The following HDGFL3 variants were observed in gnomAD, a reference collection of about 807,000 sequenced individuals.
HDGFL3 encodes the protein HDGF like 3.
Under a neutral mutation model 27.6 loss-of-function variants are expected in HDGFL3, and 6 were observed. The ratio of observed to expected loss-of-function variants is 0.22; its 90% CI spans 0.12 to 0.43. The LOEUF (loss-of-function observed/expected upper bound fraction) is 0.43, where lower values mean the gene tolerates loss of function less well. HDGFL3 is among the 20% of genes least tolerant of loss of function. HDGFL3 has a pLI of 1.00. For missense variants in HDGFL3, 207 were observed against 250.1 expected, an observed-to-expected ratio of 0.83 and a Z score of 1.16; for synonymous variants, 88 against 88.9, an observed-to-expected ratio of 0.99 and a Z score of 0.05.
chr15:83,139,274 G>A lies in HDGFL3; in HGVS notation c.608C>T (p.Thr203Ile). ...TSDLQKTSEG[T>I] ...ATGCAGCATTCATTATGGTAGTTAGGTCTGTAAAAAAAAAAAAAAGAAAGA... is the reference window on the plus strand; with the variant it reads ...ATGCAGCATTCATTATGGTAGTTAGATCTGTAAAAAAAAAAAAAAGAAAGA... Residue 203 changes from threonine to isoleucine, a missense_variant and splice_region_variant, in exon 6 of 6, where the codon ACC becomes ATC. Coordinates refer to ENST00000299633, the MANE Select transcript of HDGFL3 (RefSeq NM_016073.4). 1 of 1,425,384 alleles carries A rather than the reference G, an allele frequency of 7.0e-7. No individual in the cohort carries two copies. Among genetic ancestry groups the A allele is most frequent in the Non-Finnish European group, 9.4e-7 (1 of 1,066,614 alleles). 88.3% of individuals were successfully genotyped at this position (1,425,384 alleles called of 1,614,324 possible). A position where few individuals can be genotyped will look rare whatever the true frequency, so the allele number is the denominator to read the frequency against.
chr15:83,145,791 T>C (rs1205084416), intron 5 of HDGFL3, among the ~76,000 whole-genome samples: 2 of 151,560 alleles, frequency 1.3e-5, no homozygotes, highest in African/African-American at 2.4e-5. Flanking sequence ...AGTTCCTTGG[T>C]GTCCTCTCTG....
Position 83,136,245 on chromosome 15 carries a change from A to T in HDGFL3, c.*3025T>A, listed in dbSNP as rs2036599391. On this transcript the variant is annotated 3_prime_UTR_variant, in exon 6 of 6. Coordinates refer to ENST00000299633, the MANE Select transcript of HDGFL3 (RefSeq NM_016073.4). ...CTGGCATGATAAAACTACACTAAAT[A>T]ATATCTACTTTATTTGAACAGTCAT... 2.7e-6 allele frequency: 1 copy of T among 365,022 alleles called. No individual in the cohort carries two copies. Among genetic ancestry groups the T allele is most frequent in the African/African-American group, 2.1e-5 (1 of 47,906 alleles). The allele number at this position is 365,022 out of a possible 1,614,324, so 22.6% of individuals were successfully genotyped here. A position where few individuals can be genotyped will look rare whatever the true frequency, so the allele number is the denominator to read the frequency against.
In HDGFL3 at chr15:83,207,347, G is replaced by A; in HGVS notation, c.68C>T (p.Pro23Leu). The change falls in exon 1 of 6, where the codon CCG becomes CTG. Residue 23 changes from proline to leucine, a missense_variant. By Grantham distance (98) the Pro-to-Leu change is moderately conservative (BLOSUM62 -3). Transcript: ENST00000299633. The surrounding 1 kb of genome is among the most constrained non-coding windows in gnomAD (Gnocchi z 4.8). The part of the protein sequence containing the change: ...DLVFAKMKGY[P>L]HWPARIDELP... Reference sequence around the variant, plus strand: ...GGTACTCACCCGGGCCGGCCAGTGCGGGTAGCCCTTCATCTTGGCGAAGAC... The same window carrying A: ...GGTACTCACCCGGGCCGGCCAGTGCAGGTAGCCCTTCATCTTGGCGAAGAC... 1 of 1,401,664 alleles carries A rather than the reference G, an allele frequency of 7.1e-7. No homozygotes were observed. Among genetic ancestry groups the A allele is most frequent in the Non-Finnish European group, 9.3e-7 (1 of 1,072,896 alleles). 86.8% of individuals were successfully genotyped at this position (1,401,664 alleles called of 1,614,324 possible). A position where few individuals can be genotyped will look rare whatever the true frequency, so the allele number is the denominator to read the frequency against.
chr15:83,154,208 C>T (rs370134070), intron 4 of HDGFL3, among the ~76,000 whole-genome samples: 2 of 150,924 alleles, frequency 1.3e-5, no homozygotes, highest in African/African-American at 2.4e-5. Flanking sequence ...TGGTGATGTA[C>T]GCCCGTGGTC....
chr15:83,207,314 G>A lies in HDGFL3; in HGVS notation c.84+17C>T, dbSNP rs558816575. 1.2e-5 allele frequency: 16 copies of A among 1,342,042 alleles called. No homozygotes were observed. In the South Asian group the frequency reaches 1.2e-4, roughly 10 times the overall value. 83.1% of individuals were successfully genotyped at this position (1,342,042 alleles called of 1,614,324 possible). A position where few individuals can be genotyped will look rare whatever the true frequency, so the allele number is the denominator to read the frequency against. On this transcript the variant is annotated intron_variant, in intron 1 of 5. Coordinates refer to ENST00000299633, the MANE Select transcript of HDGFL3 (RefSeq NM_016073.4). The surrounding 1 kb of genome is among the most constrained non-coding windows in gnomAD (Gnocchi z 4.8). ...AAATGGTGGGCGGGCGGGCCCGCGC[G>A]CGGCCGCGGTACTCACCCGGGCCGG...
intron 5 of HDGFL3, among the ~76,000 whole-genome samples, chr15:83,150,943 T>C (rs949086801): frequency 2.0e-5 from 3 of 152,194 alleles, no homozygotes; most frequent in Admixed American, 6.5e-5. Flanking sequence ...GTATTTCACA[T>C]TGTACTTTAA....
intron 1 of HDGFL3, among the ~76,000 whole-genome samples, chr15:83,204,381 G>A (rs1478475086): frequency 1.3e-5 from 2 of 152,016 alleles, no homozygotes; most frequent in Non-Finnish European, 2.9e-5. Flanking sequence ...CTAGGTTAAT[G>A]GCATGCATGT....
intron 2 of HDGFL3, among the ~76,000 whole-genome samples, chr15:83,160,167 A>G (rs970781439): frequency 1.3e-5 from 2 of 151,946 alleles, no homozygotes; most frequent in Non-Finnish European, 1.5e-5. Flanking sequence ...GAGAAAGGGT[A>G]GAGGAGTTGA....
intron 5 of HDGFL3, among the ~76,000 whole-genome samples, chr15:83,142,549 A>G (rs1596543501): frequency 6.6e-6 from 1 of 152,192 alleles, no homozygotes; most frequent in East Asian, 1.9e-4. Context: ...GAGGAAGAGG[A>G]TCAGAAAAAG....
Position 83,121,790 on chromosome 15 carries a change from CT to C in HDGFL3, c.394-6050del, listed in dbSNP as rs1888834054. Reference sequence around the variant, plus strand: ...AGGGCTCCTTGTGTTTGATTTATTCCTCTCAATTCAATATGTTTTGATTGAT... The same window carrying C: ...AGGGCTCCTTGTGTTTGATTTATTCCCTCAATTCAATATGTTTTGATTGAT... On this transcript the variant is annotated intron_variant, in intron 3 of 3. Coordinates refer to the HDGFL3 transcript ENST00000568294. 6 of 677,658 alleles carry C rather than the reference CT, an allele frequency of 8.9e-6. No homozygotes were observed. The Admixed American group carries it at 1.9e-4, about 21-fold the overall frequency. 42.0% of individuals were successfully genotyped at this position (677,658 alleles called of 1,614,324 possible). A position where few individuals can be genotyped will look rare whatever the true frequency, so the allele number is the denominator to read the frequency against.
rs185422289 is a variant in HDGFL3, at chr15:83,134,638, A to G, written c.*4632T>C. The G allele has an allele frequency of 2.0e-5, 3 of 152,358 alleles. No individual in the cohort carries two copies. The East Asian group carries it at 5.8e-4, about 29-fold the overall frequency. The allele number at this position is 152,358 out of a possible 1,614,324, so 9.4% of individuals were successfully genotyped here. A position where few individuals can be genotyped will look rare whatever the true frequency, so the allele number is the denominator to read the frequency against. ...ACTGACTTTTTACACAGGCTCCCCT[A>G]TGCAAGTAGGCACAACTGCTCATAT... On this transcript the variant is annotated 3_prime_UTR_variant, in exon 6 of 6. Coordinates refer to ENST00000299633, the MANE Select transcript of HDGFL3 (RefSeq NM_016073.4).
intron 1 of HDGFL3, among the ~76,000 whole-genome samples, chr15:83,171,519 T>C (rs974262600): frequency 1.3e-5 from 2 of 152,124 alleles, no homozygotes; most frequent in African/African-American, 4.8e-5. Context: ...GTGGAATAAA[T>C]AAAATGTGGT....
rs972449463 is a variant in HDGFL3, at chr15:83,134,224, CTTTT to C, written c.*5042_*5045del. 1 of 144,890 alleles carries C rather than the reference CTTTT, an allele frequency of 6.9e-6. No individual in the cohort carries two copies. Among genetic ancestry groups the C allele is most frequent in the Non-Finnish European group, 1.5e-5 (1 of 65,518 alleles). 9.0% of individuals were successfully genotyped at this position (144,890 alleles called of 1,614,324 possible). A position where few individuals can be genotyped will look rare whatever the true frequency, so the allele number is the denominator to read the frequency against. ...TACAATCTAATCTAAGGACATGAAT[CTTTT>C]TTTTTTTTTAAAGACAGAGTCTCAC... On this transcript the variant is annotated 3_prime_UTR_variant, in exon 6 of 6. Transcript: ENST00000299633.
intron 5 of HDGFL3, among the ~76,000 whole-genome samples, chr15:83,147,517 T>TAA (rs2036913246): frequency 6.6e-6 from 1 of 152,158 alleles, no homozygotes; most frequent in Non-Finnish European, 1.5e-5. Flanking sequence ...AGACCATGAC[T>TAA]ATTAAATATT....
At chr15:83,148,985 T>G (rs1480471236) in intron 5 of HDGFL3, among the ~76,000 whole-genome samples, 2 of 152,164 alleles carry the variant, frequency 1.3e-5, no homozygotes, top group Non-Finnish European at 2.9e-5. Flanking sequence ...TTAATTGTGA[T>G]GTTCTAGTTT....
At chr15:83,139,898 A>C (rs1177330936) in intron 5 of HDGFL3, among the ~76,000 whole-genome samples, 1 of 152,186 alleles carries the variant, frequency 6.6e-6, no homozygotes, top group East Asian at 1.9e-4. Context: ...TAAAAGAATT[A>C]TGTTTCTATT....
At chr15:83,205,515 G>A (rs918057505) in intron 1 of HDGFL3, among the ~76,000 whole-genome samples, 1 of 152,074 alleles carries the variant, frequency 6.6e-6, no homozygotes, top group South Asian at 2.1e-4. Context: ...GACCACTTCC[G>A]TAGGATTTTT....
At chr15:83,142,496 G>A (rs1369485591) in intron 5 of HDGFL3, among the ~76,000 whole-genome samples, 1 of 152,096 alleles carries the variant, frequency 6.6e-6, no homozygotes, top group Non-Finnish European at 1.5e-5. Flanking sequence ...GACACAAAGA[G>A]GGGAACAATG....
chr15:83,177,758 T>C (rs1490244633), intron 1 of HDGFL3, among the ~76,000 whole-genome samples: 1 of 152,206 alleles, frequency 6.6e-6, no homozygotes, highest in Non-Finnish European at 1.5e-5. Context: ...TAGGAAGATA[T>C]AGAAAGGATG....
Sources: gnomAD v4.1 joint callset for allele counts (sites outside exome capture counted in the v4.1 genomes callset) on GRCh38, gnomAD v4.1.1 for gene constraint, Gnocchi (gnomAD v3.1) non-coding constraint, MANE v1.5 for transcripts, NCBI Gene and HGNC (gene_info 2026-07-23, HGNC 2026-07-21) for gene names.